The following TRPM3 variants were observed in gnomAD, a reference collection of about 807,000 sequenced individuals.
The protein encoded by TRPM3 is transient receptor potential cation channel subfamily M member 3, also known as long transient receptor potential channel 3.
A neutral mutation model predicts 181.2 loss-of-function variants in TRPM3; 77 were observed. The ratio of observed to expected loss-of-function variants is 0.42; its 90% CI spans 0.35 to 0.51. TRPM3 has a LOEUF of 0.51. TRPM3 is among the 20% of genes least tolerant of loss of function. The probability of loss-of-function intolerance (pLI) is 0.01; values close to 1 mark genes in which losing one functional copy is unlikely to be tolerated. For synonymous variants in TRPM3, 745 were observed against 796.4 expected, an observed-to-expected ratio of 0.94 and a Z score of 1.09; for missense variants, 1,759 against 2,196.7, an observed-to-expected ratio of 0.80 and a Z score of 3.98.
intron 1 of TRPM3, among the ~76,000 whole-genome samples, chr9:71,094,951 C>A (rs1398907220): frequency 6.6e-6 from 1 of 152,094 alleles, no homozygotes; most frequent in Non-Finnish European, 1.5e-5. Context: ...AGTCATAAGG[C>A]TCTCCAGTTT....
At chr9:71,396,820 G>A (rs1417953018) in intron 1 of TRPM3, among the ~76,000 whole-genome samples, 1 of 151,876 alleles carries the variant, frequency 6.6e-6, no homozygotes. Flanking sequence ...CAAAAAATTT[G>A]CCAGGCATGG....
chr9:71,146,330 C>G (rs1171223005), intron 1 of TRPM3, among the ~76,000 whole-genome samples: 3 of 152,096 alleles, frequency 2.0e-5, no homozygotes, highest in Non-Finnish European at 2.9e-5. Context: ...CTATACATTC[C>G]AGAAGCTCCC....
intron 1 of TRPM3, among the ~76,000 whole-genome samples, chr9:71,343,729 G>C (rs1262113316): frequency 6.6e-6 from 1 of 151,978 alleles, no homozygotes; most frequent in African/African-American, 2.4e-5. Context: ...CCCAAATACT[G>C]GTTTCTAACA....
intron 1 of TRPM3, among the ~76,000 whole-genome samples, chr9:70,952,903 C>CA (rs934794511): frequency 4.6e-5 from 7 of 151,800 alleles, no homozygotes; most frequent in Non-Finnish European, 8.8e-5. Context: ...ATTTGATCAT[C>CA]AAAAAAAATG....
chr9:71,437,198 T>G (rs186681332), intron 1 of TRPM3, among the ~76,000 whole-genome samples: 366 of 152,292 alleles, frequency 2.4e-3, no homozygotes, highest in African/African-American at 8.4e-3. Flanking sequence ...AAATAGTTGA[T>G]GAAGGAAGTT....
At chr9:71,337,718 A>G (rs2090658955) in intron 1 of TRPM3, among the ~76,000 whole-genome samples, 1 of 152,182 alleles carries the variant, frequency 6.6e-6, no homozygotes, top group Non-Finnish European at 1.5e-5. Flanking sequence ...TAAAGAAAAT[A>G]TGGCAAATGT....
chr9:70,988,138 CA>C (rs2097439612), intron 1 of TRPM3, among the ~76,000 whole-genome samples: 1 of 152,142 alleles, frequency 6.6e-6, no homozygotes, highest in African/African-American at 2.4e-5. Flanking sequence ...TGCTATTGAG[CA>C]AGAGTTCTTA....
intron 1 of TRPM3, among the ~76,000 whole-genome samples, chr9:71,197,280 T>C (rs1185207761): frequency 6.6e-6 from 1 of 152,212 alleles, no homozygotes; most frequent in Non-Finnish European, 1.5e-5. Context: ...TTGTTGGACA[T>C]TTCGCTTGGT....
intron 8 of TRPM3, among the ~76,000 whole-genome samples, chr9:70,740,706 A>T (rs1195487993): frequency 1.3e-5 from 2 of 152,154 alleles, no homozygotes; most frequent in Non-Finnish European, 2.9e-5. Context: ...CAAAAGCATA[A>T]AATGGGGAAA....
intron 1 of TRPM3, among the ~76,000 whole-genome samples, chr9:71,039,354 T>C (rs1464274399): frequency 6.6e-6 from 1 of 152,132 alleles, no homozygotes; most frequent in Non-Finnish European, 1.5e-5. Context: ...GCCAAGCACA[T>C]TAAGTACTTA....
chr9:71,316,104 C>G (rs7856821), intron 1 of TRPM3, among the ~76,000 whole-genome samples: 26 of 152,298 alleles, frequency 1.7e-4, no homozygotes, highest in Middle Eastern at 3.4e-3. Flanking sequence ...AAACAGATGA[C>G]AGGACAGGCC....
chr9:70,574,598 C>G (rs965488351), intron 22 of TRPM3, among the ~76,000 whole-genome samples: 36 of 152,302 alleles, frequency 2.4e-4, no homozygotes, highest in African/African-American at 8.7e-4. Context: ...GGTTTGATAT[C>G]TGATGCCTCT....
intron 1 of TRPM3, among the ~76,000 whole-genome samples, chr9:71,253,484 C>G (rs918158833): frequency 6.6e-6 from 1 of 152,138 alleles, no homozygotes; most frequent in Non-Finnish European, 1.5e-5. Context: ...CACTTATAAG[C>G]ATTACATAGC....
intron 1 of TRPM3, among the ~76,000 whole-genome samples, chr9:71,139,739 T>C (rs1255248968): frequency 6.6e-6 from 1 of 152,164 alleles, no homozygotes. Context: ...GAAATAATAA[T>C]AATCCTTATT....
chr9:71,443,019 T>A (rs1172086135), intron 1 of TRPM3, among the ~76,000 whole-genome samples: 1 of 152,226 alleles, frequency 6.6e-6, no homozygotes. Flanking sequence ...GAAACTTAAT[T>A]TGATATCTGA....
chr9:70,598,553 G>A lies in TRPM3; in HGVS notation c.2914C>T (p.Leu972Phe). The change falls in exon 21 of 26, where the codon CTC becomes TTC. Residue 972 changes from leucine to phenylalanine, a missense_variant. Physicochemically the swap from Leu to Phe is conservative, Grantham distance 22. This residue lies in a region of TRPM3 where 100 missense variants were observed against 123.0 expected (regional missense o/e 0.81). Transcript: ENST00000677713. The stretch of plus-strand genomic sequence containing the variant: ...TCACTCCTGAAGGGCTGGTCTTGGA[G>A]ACGAAGGATCATTCCGACAGAAAAC... ...LLFSVGMILR[L>F]QDQPFRSDGR... 1 of 1,614,224 alleles carries A rather than the reference G, an allele frequency of 6.2e-7. No homozygotes were observed. Among genetic ancestry groups the A allele is most frequent in the South Asian group, 1.1e-5 (1 of 91,084 alleles).
chr9:71,251,350 T>C lies in TRPM3; in HGVS notation c.183+195303A>G, dbSNP rs2082330137. ...TCATAGCATTAATCTTACCCTCTGATAAATTAACTTTGTTCTGAGTTCATC... is the reference window on the plus strand; with the variant it reads ...TCATAGCATTAATCTTACCCTCTGACAAATTAACTTTGTTCTGAGTTCATC... On this transcript the variant is annotated intron_variant, in intron 1 of 24. Coordinates refer to the TRPM3 transcript ENST00000357533. Among the ~76,000 whole-genome samples the C allele has an allele frequency of 5.9e-5, 9 of 152,206 alleles. 1 individual carries two copies. The highest frequency in any genetic ancestry group is 5.9e-4 in the Admixed American group (9 of 15,272).
chr9:70,697,664 A>C (rs1485124358), intron 8 of TRPM3, among the ~76,000 whole-genome samples: 1 of 152,128 alleles, frequency 6.6e-6, no homozygotes, highest in Non-Finnish European at 1.5e-5. Context: ...GTTTCTCTTA[A>C]GATTGTTTTT....
At position 70,625,517 on chromosome 9, in the gene TRPM3, G is replaced by A. The variant is rs866351300; in HGVS notation, c.1633C>T (p.Arg545Ter). 3.1e-6 allele frequency: 5 copies of A among 1,611,782 alleles called. No homozygotes were observed. Among genetic ancestry groups the A allele is most frequent in the Middle Eastern group, 1.7e-4 (1 of 6,046 alleles). The part of the protein sequence containing the change: ...LYHLVRDVKK[R>*]EYPGFGWIYF... ...ATCCAACCGAAACCTGGATACTCTCGCTTGGAAAGAAGACATAAGTTAAAT... is the reference window on the plus strand; with the variant it reads ...ATCCAACCGAAACCTGGATACTCTCACTTGGAAAGAAGACATAAGTTAAAT... The change falls in exon 13 of 26, where the codon CGA becomes TGA. Residue 545 changes from arginine to a stop codon, truncating the protein, a stop_gained and splice_region_variant. Transcript: ENST00000677713. LOFTEE classifies it high-confidence loss of function. The surrounding 1 kb of genome is among the most constrained non-coding windows in gnomAD (Gnocchi z 4.8).
Sources: allele counts gnomAD v4.1 joint callset (sites outside exome capture counted in the v4.1 genomes callset), GRCh38; gene constraint gnomAD v4.1.1; regional missense constraint gnomAD v4.1.1; non-coding constraint Gnocchi (gnomAD v3.1); transcripts MANE v1.5; gene names NCBI Gene and HGNC (gene_info 2026-07-23, HGNC 2026-07-21).